The following NRG3 variants were observed in gnomAD, a reference collection of about 807,000 sequenced individuals.
NRG3 encodes pro-neuregulin-3, membrane-bound isoform.
NRG3 carries 31 observed loss-of-function variants against 66.9 expected under a neutral mutation model. That is an observed-to-expected ratio of 0.46 (90% CI 0.35 to 0.63). The LOEUF is 0.63. Among genes scored for constraint, NRG3 ranks in the 20% least tolerant of loss-of-function variants. The pLI, the probability that NRG3 is intolerant of heterozygous loss-of-function variation, is 0.00. For synonymous variants in NRG3, 393 were observed against 359.4 expected (o/e 1.09, Z -1.06); for missense variants, 910 against 878.9 (o/e 1.04, Z -0.45).
chr10:81,881,115 C>T (rs1185236887), intron 1 of NRG3, among the ~76,000 whole-genome samples: 1 of 152,026 alleles, frequency 6.6e-6, no homozygotes, highest in Non-Finnish European at 1.5e-5. Flanking sequence ...TGTACTCCCA[C>T]CTGCCAGTAT....
chr10:82,676,098 G>A (rs548448314), intron 2 of NRG3, among the ~76,000 whole-genome samples: 3 of 152,166 alleles, frequency 2.0e-5, no homozygotes, highest in East Asian at 1.9e-4. Flanking sequence ...AAAAGCAACA[G>A]CATTGCAGTA....
At chr10:82,289,518 A>C (rs912296658) in intron 1 of NRG3, among the ~76,000 whole-genome samples, 1 of 152,236 alleles carries the variant, frequency 6.6e-6, no homozygotes, top group Non-Finnish European at 1.5e-5. Flanking sequence ...GTTTATCCTT[A>C]TAATAACTTG....
chr10:82,077,948 G>C (rs2065179511), intron 1 of NRG3, among the ~76,000 whole-genome samples: 2 of 152,098 alleles, frequency 1.3e-5, no homozygotes, highest in Admixed American at 1.3e-4. Flanking sequence ...TCTTTAGGCG[G>C]CTTTTCTCTC....
In NRG3 at chr10:82,973,818, G is replaced by T. The variant is rs1330631384; in HGVS notation, c.1315G>T (p.Ala439Ser). 6.2e-7 allele frequency: 1 copy of T among 1,613,872 alleles called. No homozygotes were observed. The highest frequency in any genetic ancestry group is 1.7e-5 in the Admixed American group (1 of 60,004). The change falls in exon 7 of 9, where the codon GCA (alanine) becomes TCA (serine). Residue 439 changes from alanine (A) to serine (S), a missense_variant. Transcript: ENST00000372141. The part of the protein sequence containing the change: ...YSKVERHPVT[A>S]LEKMMESSFV... ...AAAGGTGGAAAGGCATCCTGTGACT[G>T]CATTGGAGAAAATGATGGAGTCAAG...
chr10:82,791,329 G>A (rs530587184), intron 3 of NRG3, among the ~76,000 whole-genome samples: 4 of 150,526 alleles, frequency 2.7e-5, no homozygotes, highest in African/African-American at 9.7e-5. Flanking sequence ...TTCATTTTTG[G>A]TAACTTTCCT....
intron 2 of NRG3, among the ~76,000 whole-genome samples, chr10:82,733,629 A>T (rs776202658): frequency 2.0e-5 from 3 of 152,228 alleles, no homozygotes; most frequent in Non-Finnish European, 4.4e-5. Flanking sequence ...CCTTTCATCA[A>T]TGAGTAAATG....
At chr10:82,016,116 A>G (rs1372454492) in intron 1 of NRG3, among the ~76,000 whole-genome samples, 1 of 151,850 alleles carries the variant, frequency 6.6e-6, no homozygotes, top group African/African-American at 2.4e-5. Flanking sequence ...TTGCTTGGTC[A>G]TTGACTCAGT....
chr10:82,634,564 C>T, intron 2 of NRG3, among the ~76,000 whole-genome samples: 1 of 152,044 alleles, frequency 6.6e-6, no homozygotes, highest in East Asian at 1.9e-4. Context: ...ATGAAATAGA[C>T]CCAGAAGAGA....
intron 2 of NRG3, among the ~76,000 whole-genome samples, chr10:82,403,090 C>T (rs2087230801): frequency 6.6e-6 from 1 of 152,144 alleles, no homozygotes; most frequent in Non-Finnish European, 1.5e-5. Flanking sequence ...ACGTGACATG[C>T]CTTCTTGTCT....
chr10:82,867,155 T>C (rs1840835505), intron 4 of NRG3, among the ~76,000 whole-genome samples: 1 of 152,170 alleles, frequency 6.6e-6, no homozygotes, highest in African/African-American at 2.4e-5. Flanking sequence ...TACTACTTTT[T>C]CTTGTCCAAG....
chr10:82,093,072 A>G lies in NRG3; in HGVS notation c.823+216909A>G, dbSNP rs1030041587. Among the ~76,000 whole-genome samples the G allele has an allele frequency of 2.0e-5, 3 of 152,246 alleles. No homozygotes were observed. In the East Asian group the frequency reaches 5.8e-4, roughly 29 times the overall value. On this transcript the variant is annotated intron_variant, in intron 1 of 8. Coordinates refer to ENST00000372141, the MANE Select transcript of NRG3 (RefSeq NM_001010848.4). Reference sequence around the variant, plus strand: ...CCTTAGACTCATTACTCTTCTTGTCAAGGTCTAAGATTTATTAGTAGCCTT... The same window carrying G: ...CCTTAGACTCATTACTCTTCTTGTCGAGGTCTAAGATTTATTAGTAGCCTT...
At chr10:82,074,951 C>T (rs2065009659) in intron 1 of NRG3, among the ~76,000 whole-genome samples, 1 of 152,134 alleles carries the variant, frequency 6.6e-6, no homozygotes, top group Admixed American at 6.5e-5. Flanking sequence ...ATTCTCCTTC[C>T]CAAATCCTCA....
chr10:82,300,874 T>G (rs2080363300), intron 1 of NRG3, among the ~76,000 whole-genome samples: 1 of 152,022 alleles, frequency 6.6e-6, no homozygotes, highest in Non-Finnish European at 1.5e-5. Flanking sequence ...TGTACTCCTA[T>G]AGTCCCAGCT....
At chr10:82,623,453 G>C (rs1415016694) in intron 2 of NRG3, among the ~76,000 whole-genome samples, 1 of 152,076 alleles carries the variant, frequency 6.6e-6, no homozygotes, top group African/African-American at 2.4e-5. Flanking sequence ...CTTGTTCCCA[G>C]GATTTTCAGA....
chr10:82,359,934 G>A (rs377259251), intron 2 of NRG3, among the ~76,000 whole-genome samples: 4 of 152,306 alleles, frequency 2.6e-5, no homozygotes, highest in Admixed American at 6.5e-5. Context: ...GCCAGGTTTA[G>A]TCCACAGGGA....
intron 2 of NRG3, among the ~76,000 whole-genome samples, chr10:82,636,277 A>G (rs1375875814): frequency 2.6e-5 from 4 of 151,314 alleles, no homozygotes; most frequent in Non-Finnish European, 5.9e-5. Context: ...GTGTACAGGC[A>G]TGCGGTGTGT....
intron 2 of NRG3, among the ~76,000 whole-genome samples, chr10:82,663,734 A>G (rs2052548499): frequency 6.6e-6 from 1 of 152,238 alleles, no homozygotes; most frequent in East Asian, 1.9e-4. Context: ...ATTAGCACAA[A>G]CACTAGAAAT....
chr10:81,955,075 A>G (rs1454984250), intron 1 of NRG3, among the ~76,000 whole-genome samples: 1 of 150,582 alleles, frequency 6.6e-6, no homozygotes, highest in East Asian at 1.9e-4. Flanking sequence ...GTAGATACAG[A>G]TATATACCTG....
chr10:82,676,280 A>G (rs1250089049), intron 2 of NRG3, among the ~76,000 whole-genome samples: 2 of 152,114 alleles, frequency 1.3e-5, no homozygotes, highest in Admixed American at 6.5e-5. Context: ...ACCACATATT[A>G]TGTTGATTAA....
Sources: gnomAD v4.1 joint callset for allele counts (sites outside exome capture counted in the v4.1 genomes callset) on GRCh38, gnomAD v4.1.1 for gene constraint, MANE v1.5 for transcripts, NCBI Gene and HGNC (gene_info 2026-07-23, HGNC 2026-07-21) for gene names.